DLGAP1: variants seen among roughly 807,000 people sequenced by gnomAD.
The protein encoded by DLGAP1 is DLG associated protein 1, also known as disks large-associated protein 1.
A neutral mutation model predicts 90.8 loss-of-function variants in DLGAP1; 11 were observed. That is an observed-to-expected ratio of 0.12 (90% CI 0.08 to 0.20). DLGAP1 has a LOEUF of 0.20. Among genes scored for constraint, DLGAP1 ranks in the 10% least tolerant of loss-of-function variants. The pLI is 1.00. For missense variants in DLGAP1, 1,050 were observed against 1,333.8 expected, an observed-to-expected ratio of 0.79 and a Z score of 3.31; for synonymous variants, 558 against 540.7, an observed-to-expected ratio of 1.03 and a Z score of -0.44.
chr18:4,239,375 C>T (rs553329459), intron 1 of DLGAP1, among the ~76,000 whole-genome samples: 45 of 151,924 alleles, frequency 3.0e-4, no homozygotes, highest in Middle Eastern at 3.4e-3. Context: ...AACAAAGGAA[C>T]TGAAGAAAGA....
At chr18:3,714,677 G>A (rs888984529) in intron 7 of DLGAP1, among the ~76,000 whole-genome samples, 24 of 125,660 alleles carry the variant, frequency 1.9e-4, no homozygotes, top group Middle Eastern at 9.3e-3. Flanking sequence ...AGGGAGTCTC[G>A]CTCTGTCATG....
intron 1 of DLGAP1, among the ~76,000 whole-genome samples, chr18:4,298,426 T>C (rs1434365781): frequency 1.3e-5 from 2 of 152,142 alleles, no homozygotes; most frequent in East Asian, 1.9e-4. Flanking sequence ...ATATACACCA[T>C]GGAATACTAT....
At chr18:4,404,149 T>G (rs1341260560) in intron 1 of DLGAP1, among the ~76,000 whole-genome samples, 1 of 152,208 alleles carries the variant, frequency 6.6e-6, no homozygotes, top group East Asian at 1.9e-4. Flanking sequence ...ATAAAAATGT[T>G]CCTTATCCAA....
chr18:3,980,078 G>A (rs2073692219), intron 3 of DLGAP1, among the ~76,000 whole-genome samples: 1 of 152,144 alleles, frequency 6.6e-6, no homozygotes, highest in African/African-American at 2.4e-5. Context: ...GGTTGTTACA[G>A]TAAGCCAAGA....
intron 1 of DLGAP1, among the ~76,000 whole-genome samples, chr18:4,424,571 T>C (rs2144703941): frequency 6.6e-6 from 1 of 152,316 alleles, no homozygotes; most frequent in South Asian, 2.1e-4. Flanking sequence ...ATTAGTCATT[T>C]ATATCACAGT....
intron 7 of DLGAP1, among the ~76,000 whole-genome samples, chr18:3,626,222 T>G: frequency 6.9e-6 from 1 of 145,406 alleles, no homozygotes; most frequent in South Asian, 2.2e-4. Flanking sequence ...TAGCCCGAGG[T>G]TGAGGCTACA....
chr18:3,753,155 AACC>A (rs1160180044), intron 5 of DLGAP1, among the ~76,000 whole-genome samples: 4 of 152,222 alleles, frequency 2.6e-5, no homozygotes, highest in Non-Finnish European at 5.9e-5. Flanking sequence ...TGAACTAAGT[AACC>A]AAAGGCAGGG....
At chr18:3,992,937 C>CA (rs994002160) in intron 3 of DLGAP1, among the ~76,000 whole-genome samples, 1 of 152,060 alleles carries the variant, frequency 6.6e-6, no homozygotes, top group Non-Finnish European at 1.5e-5. Context: ...GGGCAGGTAA[C>CA]AAAATCCAGT....
intron 3 of DLGAP1, among the ~76,000 whole-genome samples, chr18:3,993,685 T>C (rs924814828): frequency 1.3e-5 from 2 of 152,166 alleles, no homozygotes; most frequent in Non-Finnish European, 2.9e-5. Context: ...ATGACGAGTT[T>C]AGCAGGGGCT....
chr18:3,893,358 C>T (rs1479861723), intron 3 of DLGAP1, among the ~76,000 whole-genome samples: 1 of 151,884 alleles, frequency 6.6e-6, no homozygotes, highest in Non-Finnish European at 1.5e-5. Flanking sequence ...GGGTGGATCA[C>T]CTGAGGTCAG....
At chr18:3,948,944 A>G (rs2072928362) in intron 3 of DLGAP1, among the ~76,000 whole-genome samples, 1 of 152,164 alleles carries the variant, frequency 6.6e-6, no homozygotes, top group Non-Finnish European at 1.5e-5. Flanking sequence ...AAAAATAAAT[A>G]AAAATATGGA....
chr18:4,264,825 TC>T (rs2079072171), intron 1 of DLGAP1: 1 of 152,296 alleles, frequency 6.6e-6, no homozygotes, highest in African/African-American at 2.4e-5. Flanking sequence ...CTTGAGGCTG[TC>T]CAAAGGGAGC....
chr18:4,326,838 T>G (rs1448464093), intron 1 of DLGAP1, among the ~76,000 whole-genome samples: 1 of 151,912 alleles, frequency 6.6e-6, no homozygotes, highest in African/African-American at 2.4e-5. Flanking sequence ...CAACAGACAG[T>G]GGGCCTACTT....
intron 8 of DLGAP1, among the ~76,000 whole-genome samples, chr18:3,568,860 A>G (rs190615896): frequency 0.013 from 1,914 of 151,056 alleles, 46 homozygotes; most frequent in African/African-American, 0.044. Flanking sequence ...CTAATTTTTT[A>G]TATTTTTAGT....
At chr18:3,932,172 T>C (rs1268320950) in intron 3 of DLGAP1, among the ~76,000 whole-genome samples, 5 of 152,168 alleles carry the variant, frequency 3.3e-5, no homozygotes, top group African/African-American at 4.8e-5. Context: ...AGCATGTCAA[T>C]ATCCATTTGG....
chr18:3,733,106 C>G (rs919747382), intron 6 of DLGAP1, among the ~76,000 whole-genome samples: 1 of 152,158 alleles, frequency 6.6e-6, no homozygotes, highest in Admixed American at 6.5e-5. Context: ...ATTATCAGTA[C>G]TACCCCTGCC....
intron 7 of DLGAP1, among the ~76,000 whole-genome samples, chr18:3,651,666 C>A (rs964218599): frequency 6.6e-6 from 1 of 151,268 alleles, no homozygotes; most frequent in East Asian, 1.9e-4. Context: ...CAGTGGTTCA[C>A]GCCTGTAATC....
intron 7 of DLGAP1, among the ~76,000 whole-genome samples, chr18:3,675,576 G>A (rs2060268824): frequency 6.6e-6 from 1 of 152,120 alleles, no homozygotes; most frequent in African/African-American, 2.4e-5. Context: ...TACTGCAGTG[G>A]TACCCTACAG....
intron 4 of DLGAP1, among the ~76,000 whole-genome samples, chr18:3,849,551 A>G (rs1598993788): frequency 1.3e-5 from 2 of 152,252 alleles, no homozygotes; most frequent in South Asian, 4.2e-4. Context: ...AGTCCAGTGG[A>G]AAGTTGAATT....
Sources: gnomAD v4.1 joint callset for allele counts (sites outside exome capture counted in the v4.1 genomes callset) on GRCh38, gnomAD v4.1.1 for gene constraint, MANE v1.5 for transcripts, NCBI Gene and HGNC (gene_info 2026-07-23, HGNC 2026-07-21) for gene names.